The following RUNX2 variants were observed in gnomAD, a reference collection of about 807,000 sequenced individuals.
RUNX2 encodes the protein RUNX family transcription factor 2.
A neutral mutation model predicts 51.7 loss-of-function variants in RUNX2; 10 were observed. The ratio of observed to expected loss-of-function variants is 0.19; its 90% CI spans 0.12 to 0.33. RUNX2 has a LOEUF of 0.33. RUNX2 is among the 10% of genes least tolerant of loss of function. The probability of loss-of-function intolerance (pLI) is 1.00; values close to 1 mark genes in which losing one functional copy is unlikely to be tolerated. For missense variants in RUNX2, 562 were observed against 691.3 expected, an observed-to-expected ratio of 0.81 and a Z score of 2.10; for synonymous variants, 276 against 273.6, an observed-to-expected ratio of 1.01 and a Z score of -0.09.
At chr6:45,354,985 T>A (rs933220795) in intron 2 of RUNX2, among the ~76,000 whole-genome samples, 1 of 152,092 alleles carries the variant, frequency 6.6e-6, no homozygotes, top group Non-Finnish European at 1.5e-5. Context: ...ACTTTGAGGT[T>A]TTTTTTGGAG....
chr6:45,392,297 G>T (rs1033781137), intron 2 of RUNX2, among the ~76,000 whole-genome samples: 1 of 152,114 alleles, frequency 6.6e-6, no homozygotes, highest in Non-Finnish European at 1.5e-5. Flanking sequence ...TTGAGGCTGG[G>T]AGTTTGAGAC....
intron 5 of RUNX2, among the ~76,000 whole-genome samples, chr6:45,470,098 T>C (rs995788750): frequency 5.0e-4 from 76 of 152,320 alleles, no homozygotes; most frequent in Non-Finnish European, 1.5e-4. Flanking sequence ...GTAGTTTTCA[T>C]GGTTGTGTTT....
chr6:45,396,380 T>C (rs75142593), intron 2 of RUNX2, among the ~76,000 whole-genome samples: 11,268 of 152,232 alleles, frequency 0.074, 575 homozygotes, highest in South Asian at 0.18. Flanking sequence ...GTTTGCATCA[T>C]CCTAAAAGGA....
At chr6:45,448,066 A>T (rs1799055012) in intron 5 of RUNX2, among the ~76,000 whole-genome samples, 1 of 152,208 alleles carries the variant, frequency 6.6e-6, no homozygotes, top group Non-Finnish European at 1.5e-5. Flanking sequence ...TTCATGAAAG[A>T]TGGTGGAAGG....
chr6:45,408,844 C>T lies in RUNX2; in HGVS notation c.59-13749C>T, dbSNP rs569514705. On this transcript the variant is annotated intron_variant, in intron 2 of 8. Coordinates refer to ENST00000647337, the MANE Select transcript of RUNX2 (RefSeq NM_001024630.4). ...AGACCTGGCCACAGCTGTAGCTTGC[C>T]AATTACACTGATGAACAGCTATGGA... 2.6e-5 allele frequency among the ~76,000 whole-genome samples: 4 copies of T among 152,252 alleles called. No homozygotes were observed. In the East Asian group the frequency reaches 7.7e-4, roughly 29 times the overall value.
intron 7 of RUNX2, among the ~76,000 whole-genome samples, chr6:45,522,499 AC>A (rs1801537623): frequency 6.6e-6 from 1 of 152,198 alleles, no homozygotes; most frequent in South Asian, 2.1e-4. Context: ...TTCAACAATT[AC>A]GTTTTCAACT....
chr6:45,405,057 G>A (rs560427159), intron 2 of RUNX2, among the ~76,000 whole-genome samples: 3 of 152,210 alleles, frequency 2.0e-5, no homozygotes, highest in African/African-American at 7.2e-5. Context: ...TTTTGTTCAT[G>A]TTCTTACCAG....
intron 2 of RUNX2, among the ~76,000 whole-genome samples, chr6:45,406,142 T>C (rs960575548): frequency 1.3e-5 from 2 of 152,186 alleles, no homozygotes; most frequent in Non-Finnish European, 2.9e-5. Flanking sequence ...TATGATATGA[T>C]CATAATCTAT....
intron 5 of RUNX2, among the ~76,000 whole-genome samples, chr6:45,466,437 G>A (rs1799631905): frequency 6.6e-6 from 1 of 152,206 alleles, no homozygotes; most frequent in Non-Finnish European, 1.5e-5. Context: ...TAGGTAGTGT[G>A]CCCAAGTCCT....
At chr6:45,526,374 G>A (rs1801674322) in intron 7 of RUNX2, among the ~76,000 whole-genome samples, 1 of 152,116 alleles carries the variant, frequency 6.6e-6, no homozygotes, top group Admixed American at 6.6e-5. Flanking sequence ...ACATGAGAAT[G>A]GTACATTTGT....
In RUNX2 at chr6:45,512,020, T is replaced by G. The variant is rs73737447; in HGVS notation, c.860-226T>G. Among the ~76,000 whole-genome samples, 10,328 of 152,178 alleles carry G rather than the reference T, an allele frequency of 0.068. 509 individuals are homozygous for G. The highest frequency in any genetic ancestry group is 0.13 in the African/African-American group (5,491 of 41,498). On this transcript the variant is annotated intron_variant, in intron 6 of 8. Coordinates refer to ENST00000647337, the MANE Select transcript of RUNX2 (RefSeq NM_001024630.4). Reference sequence around the variant, plus strand: ...AAATAGTCTTTATGCATCATCCATTTTGTTGCTTTCATTGAGACTCAAAGT... The same window carrying G: ...AAATAGTCTTTATGCATCATCCATTGTGTTGCTTTCATTGAGACTCAAAGT...
At chr6:45,464,104 A>G (rs1799557431) in intron 5 of RUNX2, among the ~76,000 whole-genome samples, 1 of 152,074 alleles carries the variant, frequency 6.6e-6, no homozygotes. Context: ...GAGGCAGGAG[A>G]ATGGCGTGAA....
intron 5 of RUNX2, among the ~76,000 whole-genome samples, chr6:45,462,522 T>G (rs994040815): frequency 4.6e-5 from 7 of 152,192 alleles, no homozygotes; most frequent in Admixed American, 4.6e-4. Context: ...TGAAATAATG[T>G]GCTTACTAAT....
intron 5 of RUNX2, among the ~76,000 whole-genome samples, chr6:45,451,894 C>G (rs1799185244): frequency 6.6e-6 from 1 of 152,136 alleles, no homozygotes; most frequent in Admixed American, 6.5e-5. Context: ...CATTATAATT[C>G]TGAAGCTCAG....
intron 5 of RUNX2, among the ~76,000 whole-genome samples, chr6:45,476,591 T>C (rs1799962374): frequency 6.6e-6 from 1 of 152,170 alleles, no homozygotes; most frequent in Non-Finnish European, 1.5e-5. Context: ...GGAGGGCTTT[T>C]AGACTGGGTA....
intron 6 of RUNX2, among the ~76,000 whole-genome samples, chr6:45,507,916 T>A (rs1801022157): frequency 6.6e-6 from 1 of 152,246 alleles, no homozygotes. Flanking sequence ...GTTCTTTCCA[T>A]ATGCTAAACT....
In RUNX2 at chr6:45,547,442, TTCAC is replaced by T. The variant is rs1028357796; in HGVS notation, c.*145_*148del. 2.8e-5 allele frequency: 21 copies of T among 753,800 alleles called. No individual in the cohort carries two copies. Among genetic ancestry groups the T allele is most frequent in the Admixed American group, 5.8e-5 (3 of 51,340 alleles). 46.7% of individuals were successfully genotyped at this position (753,800 alleles called of 1,614,324 possible). On this transcript the variant is annotated 3_prime_UTR_variant, in exon 9 of 9. Transcript: ENST00000647337. The stretch of plus-strand genomic sequence containing the variant: ...TGCCTATTTTTTAGAAGATTTTTCA[TTCAC>T]TCACTCAGTCATGATCTTGCAGCCA...
At chr6:45,398,215 C>G (rs1005084018) in intron 2 of RUNX2, among the ~76,000 whole-genome samples, 2 of 152,156 alleles carry the variant, frequency 1.3e-5, no homozygotes, top group East Asian at 3.8e-4. Context: ...GGGTTCCTCA[C>G]CTATTAACTG....
intron 5 of RUNX2, among the ~76,000 whole-genome samples, chr6:45,466,654 T>C (rs190178690): frequency 6.6e-6 from 1 of 152,384 alleles, no homozygotes; most frequent in East Asian, 1.9e-4. Flanking sequence ...TAGTTTTTAG[T>C]AGGATTCCAG....
Sources: gnomAD v4.1 joint callset for allele counts (sites outside exome capture counted in the v4.1 genomes callset) on GRCh38, gnomAD v4.1.1 for gene constraint, MANE v1.5 for transcripts, NCBI Gene and HGNC (gene_info 2026-07-23, HGNC 2026-07-21) for gene names.